PCDH9: variants seen among roughly 807,000 people sequenced by gnomAD.
PCDH9 encodes the protein protocadherin-9.
PCDH9 carries 24 observed loss-of-function variants against 70.6 expected under a neutral mutation model. The ratio of observed to expected loss-of-function variants is 0.34; its 90% confidence interval spans 0.25 to 0.48. The LOEUF is 0.48. Among genes scored for constraint, PCDH9 ranks in the 20% least tolerant of loss-of-function variants. The pLI, the probability that PCDH9 is intolerant of heterozygous loss-of-function variation, is 0.99. For synonymous variants in PCDH9, 562 were observed against 558.5 expected, an observed-to-expected ratio of 1.01 and a Z score of -0.09; for missense variants, 1,281 against 1,503.6, an observed-to-expected ratio of 0.85 and a Z score of 2.45.
chr13:66,934,112 C>T (rs1168569027), intron 2 of PCDH9, among the ~76,000 whole-genome samples: 4 of 152,080 alleles, frequency 2.6e-5, no homozygotes, highest in African/African-American at 9.7e-5. Flanking sequence ...CAAATGGCCC[C>T]CACTAAATGT....
At chr13:66,973,377 TA>T (rs1371293319) in intron 2 of PCDH9, among the ~76,000 whole-genome samples, 2 of 152,018 alleles carry the variant, frequency 1.3e-5, no homozygotes, top group African/African-American at 4.8e-5. Flanking sequence ...AGCAAACTGT[TA>T]AAATCAAGAT....
rs952811989 is a variant in PCDH9, at chr13:66,692,972, T to C, written c.3139-61561A>G. On this transcript the variant is annotated intron_variant, in intron 3 of 4. Coordinates refer to ENST00000377865, the MANE Select transcript of PCDH9 (RefSeq NM_203487.3). Reference sequence around the variant, plus strand: ...ACAAAATAGGAAACAATGGGTACGATATATGTGGTAACAACAATATCTATT... The same window carrying C: ...ACAAAATAGGAAACAATGGGTACGACATATGTGGTAACAACAATATCTATT... Among the ~76,000 whole-genome samples, 2 of 152,140 alleles carry C rather than the reference T, an allele frequency of 1.3e-5. 1 individual carries two copies. Among genetic ancestry groups the C allele is most frequent in the Non-Finnish European group, 2.9e-5 (2 of 67,966 alleles).
intron 2 of PCDH9, among the ~76,000 whole-genome samples, chr13:66,960,657 A>G (rs1213466586): frequency 6.6e-6 from 1 of 152,226 alleles, no homozygotes; most frequent in African/African-American, 2.4e-5. Flanking sequence ...TGTTACAATT[A>G]TTACTTTTAT....
At chr13:67,037,894 G>A (rs1184537108) in intron 2 of PCDH9, among the ~76,000 whole-genome samples, 2 of 152,146 alleles carry the variant, frequency 1.3e-5, no homozygotes, top group East Asian at 3.8e-4. Context: ...ATGTGGAGGA[G>A]TCATTTATTT....
chr13:66,908,572 A>G (rs1489883246), intron 2 of PCDH9, among the ~76,000 whole-genome samples: 2 of 152,178 alleles, frequency 1.3e-5, no homozygotes, highest in African/African-American at 4.8e-5. Flanking sequence ...CAAAGCACAT[A>G]TCTTTATACT....
At chr13:67,187,033 T>G (rs923151786) in intron 2 of PCDH9, among the ~76,000 whole-genome samples, 2 of 152,178 alleles carry the variant, frequency 1.3e-5, no homozygotes, top group Admixed American at 6.5e-5. Context: ...CGCAAACAAT[T>G]TCACATTTTT....
At chr13:66,948,644 G>A (rs1401483125) in intron 2 of PCDH9, among the ~76,000 whole-genome samples, 1 of 151,880 alleles carries the variant, frequency 6.6e-6, no homozygotes, top group Non-Finnish European at 1.5e-5. Flanking sequence ...ACAGGAAACA[G>A]GTAAATGCCT....
chr13:66,931,365 G>A (rs2082804864), intron 2 of PCDH9, among the ~76,000 whole-genome samples: 2 of 151,970 alleles, frequency 1.3e-5, no homozygotes. Context: ...TTAGGAATAA[G>A]AATAAAATGA....
chr13:66,519,099 G>A (rs1959874554), intron 4 of PCDH9, among the ~76,000 whole-genome samples: 1 of 152,132 alleles, frequency 6.6e-6, no homozygotes, highest in African/African-American at 2.4e-5. Flanking sequence ...AGTGCACTTT[G>A]GAAAGTTAAC....
intron 4 of PCDH9, among the ~76,000 whole-genome samples, chr13:66,358,037 G>T (rs1956413728): frequency 6.6e-6 from 1 of 152,004 alleles, no homozygotes; most frequent in Non-Finnish European, 1.5e-5. Flanking sequence ...TATACTGTGA[G>T]CAATGCAACA....
chr13:66,966,978 G>T (rs1013939005), intron 2 of PCDH9, among the ~76,000 whole-genome samples: 6 of 151,978 alleles, frequency 3.9e-5, no homozygotes, highest in African/African-American at 1.4e-4. Flanking sequence ...CCAAATATAT[G>T]AATAAATAAA....
intron 2 of PCDH9, among the ~76,000 whole-genome samples, chr13:67,058,421 C>T (rs990886742): frequency 1.3e-5 from 2 of 152,076 alleles, no homozygotes; most frequent in Non-Finnish European, 2.9e-5. Context: ...GAATTTAAAC[C>T]CAATCTCATT....
intron 4 of PCDH9, among the ~76,000 whole-genome samples, chr13:66,622,313 C>T (rs1439192710): frequency 6.6e-6 from 1 of 152,196 alleles, no homozygotes; most frequent in African/African-American, 2.4e-5. Flanking sequence ...CCATCGACCA[C>T]CCAAGGGCTG....
intron 3 of PCDH9, among the ~76,000 whole-genome samples, chr13:66,683,054 C>G (rs2078349835): frequency 6.6e-6 from 1 of 152,128 alleles, no homozygotes; most frequent in African/African-American, 2.4e-5. Context: ...GGACCACTGA[C>G]TTGTTAAGTC....
chr13:67,016,180 C>T (rs1399708833), intron 2 of PCDH9, among the ~76,000 whole-genome samples: 1 of 152,124 alleles, frequency 6.6e-6, no homozygotes, highest in African/African-American at 2.4e-5. Flanking sequence ...TGACTCCTTA[C>T]ACTACTCTCC....
rs921070744 is a variant in PCDH9, at chr13:66,401,407, T to C, written c.3341-96379A>G. Among the ~76,000 whole-genome samples the C allele has an allele frequency of 3.9e-5, 6 of 151,962 alleles. No individual in the cohort carries two copies. The East Asian group carries it at 1.2e-3, about 29-fold the overall frequency. On this transcript the variant is annotated intron_variant, in intron 4 of 4. Transcript: ENST00000377865. ...TCATTCCTGCTGCAGTGTGAAGAAG[T>C]ACATATTTGCTTCCCCTTCCACCAT...
At chr13:66,502,351 C>T (rs1775347236) in intron 4 of PCDH9, among the ~76,000 whole-genome samples, 1 of 151,972 alleles carries the variant, frequency 6.6e-6, no homozygotes, top group African/African-American at 2.4e-5. Flanking sequence ...ATGTTTAATT[C>T]ACTTCTATTG....
At chr13:66,933,651 C>G (rs1259459178) in intron 2 of PCDH9, among the ~76,000 whole-genome samples, 2 of 152,092 alleles carry the variant, frequency 1.3e-5, no homozygotes, top group Admixed American at 1.3e-4. Flanking sequence ...CTTTTTCTGT[C>G]AAGACAAAAT....
At chr13:66,568,329 A>G (rs1338864594) in intron 4 of PCDH9, among the ~76,000 whole-genome samples, 1 of 152,038 alleles carries the variant, frequency 6.6e-6, no homozygotes, top group East Asian at 1.9e-4. Context: ...TATGTCATCT[A>G]AGTCATCCAG....
Sources: allele counts gnomAD v4.1 joint callset (sites outside exome capture counted in the v4.1 genomes callset), GRCh38; gene constraint gnomAD v4.1.1; transcripts MANE v1.5; gene names NCBI Gene and HGNC (gene_info 2026-07-23, HGNC 2026-07-21).